The following TPO variants were observed in gnomAD, a reference collection of about 807,000 sequenced individuals.
TPO encodes thyroid microsomal antigen.
Under a neutral mutation model 96.9 loss-of-function variants are expected in TPO, and 78 were observed. The observed-to-expected ratio is 0.81, with a 90% CI of 0.67 to 0.97. The LOEUF (loss-of-function observed/expected upper bound fraction) is 0.97. Among genes scored for constraint, TPO ranks in the 50% least tolerant of loss-of-function variants. TPO has a pLI of 0.00. For missense variants in TPO, 1,252 were observed against 1,274.8 expected, an observed-to-expected ratio of 0.98 and a Z score of 0.27; for synonymous variants, 547 against 538.0, an observed-to-expected ratio of 1.02 and a Z score of -0.23.
chr2:1,503,673 C>T, intron 13 of TPO: 1 of 632,386 alleles, frequency 1.6e-6, no homozygotes, highest in South Asian at 1.6e-5. Context: ...CCCTGATTTC[C>T]TCCAGGAAGT....
intron 15 of TPO, among the ~76,000 whole-genome samples, chr2:1,539,792 G>A (rs752396341): frequency 6.6e-6 from 1 of 151,330 alleles, no homozygotes; most frequent in Non-Finnish European, 1.5e-5. Context: ...GCTCAGGACC[G>A]GTGATGATGG....
rs1323514667 is a variant in TPO, at chr2:1,542,420, GGA to G, written c.2752_2753del (p.Ser918CysfsTer62). 5 of 1,614,070 alleles carry G rather than the reference GGA, an allele frequency of 3.1e-6. No homozygotes were observed. The highest frequency in any genetic ancestry group is 3.3e-5 in the Admixed American group (2 of 60,004). ...TTAATGTTTGTTCTGCATTTTTGCAGGAGAGTGCTGGGATGGAAGGCCGGGAT... is the reference window on the plus strand; with the variant it reads ...TTAATGTTTGTTCTGCATTTTTGCAGGAGTGCTGGGATGGAAGGCCGGGAT... The part of the protein sequence containing the change: ...QRAAAQDSEQ[E>X]SAGMEGRDTH... On this transcript the variant is annotated frameshift_variant and splice_region_variant, in exon 17 of 17. Transcript: ENST00000329066. LOFTEE classifies it low-confidence loss of function (END_TRUNC).
chr2:1,412,661 GAAGGGAAAGAAA>G (rs1662470169), upstream of TPO, among the ~76,000 whole-genome samples: 1 of 152,190 alleles, frequency 6.6e-6, no homozygotes, highest in Admixed American at 6.5e-5. Flanking sequence ...CACATTTGGA[GAAGGGAAAGAAA>G]AGGAGAAAGA....
chr2:1,489,145 T>C (rs1402216914), intron 10 of TPO, among the ~76,000 whole-genome samples: 1 of 138,982 alleles, frequency 7.2e-6, no homozygotes, highest in African/African-American at 2.8e-5. Flanking sequence ...GACCAGCACA[T>C]GCCCAGCACA....
intron 13 of TPO, among the ~76,000 whole-genome samples, chr2:1,501,778 A>G (rs1050064843): frequency 1.3e-5 from 2 of 152,084 alleles, no homozygotes; most frequent in Non-Finnish European, 2.9e-5. Context: ...GCATGCAGGA[A>G]GGACGCCCCC....
At chr2:1,501,411 G>T (rs372988187) in intron 13 of TPO, among the ~76,000 whole-genome samples, 1 of 152,192 alleles carries the variant, frequency 6.6e-6, no homozygotes, top group East Asian at 1.9e-4. Context: ...AGACAAGGCC[G>T]ATTTGTCCCC....
At position 1,529,039 on chromosome 2, in the gene TPO, C is replaced by CT. The variant is rs541850889; in HGVS notation, c.2619-11554dup. Among the ~76,000 whole-genome samples, 861 of 141,852 alleles carry CT rather than the reference C, an allele frequency of 6.1e-3. 28 individuals are homozygous for CT. Among genetic ancestry groups the CT allele is most frequent in the African/African-American group, 0.023 (830 of 36,014 alleles). The allele number at this position is 141,852 out of a possible 152,430, so 93.1% of individuals were successfully genotyped here. A position where few individuals can be genotyped will look rare whatever the true frequency, so the allele number is the denominator to read the frequency against. On this transcript the variant is annotated intron_variant, in intron 15 of 16. Coordinates refer to ENST00000329066, the MANE Select transcript of TPO (RefSeq NM_001206744.2). ...TCCTCAAATCCCAACTCTGTGCAAC[C>CT]TCCCCAAATCTCCCCAGTGTGTGCA...
At chr2:1,456,385 C>T in intron 7 of TPO, 103 bp downstream of exon 7, 2 of 1,287,930 alleles carry the variant, frequency 1.6e-6, no homozygotes, top group South Asian at 2.6e-5. Flanking sequence ...GTTTCTTTGT[C>T]CTATTCCCAG....
At chr2:1,511,159 G>T (rs896248903) in intron 14 of TPO, among the ~76,000 whole-genome samples, 1 of 151,872 alleles carries the variant, frequency 6.6e-6, no homozygotes, top group African/African-American at 2.4e-5. Context: ...TTTCCTGGGG[G>T]TGCCACAGCA....
chr2:1,542,031 A>G, intron 16 of TPO: 1 of 270,032 alleles, frequency 3.7e-6, no homozygotes, highest in Non-Finnish European at 7.1e-6. Context: ...TTCCAGCCAC[A>G]GCAAGGGCAG....
intron 3 of TPO, among the ~76,000 whole-genome samples, chr2:1,425,259 T>C (rs2148455623): frequency 6.6e-6 from 1 of 152,256 alleles, no homozygotes; most frequent in Non-Finnish European, 1.5e-5. Context: ...TTCTCAGAAG[T>C]CTATGCTCCT....
In TPO at chr2:1,416,271, A is replaced by G. The variant is rs942966984; in HGVS notation, c.94+1769A>G. On this transcript the variant is annotated intron_variant, in intron 2 of 16. Transcript: ENST00000329066. ...AATCAGTCACTCTATCACCTGGAAC[A>G]TGCTAGATGTTCAGCCAATGGTTTG... is the stretch of plus-strand genomic sequence containing the variant. Among the ~76,000 whole-genome samples the G allele has an allele frequency of 7.2e-5, 11 of 152,340 alleles. No individual in the cohort carries two copies. The Middle Eastern group carries it at 0.01, about 141-fold the overall frequency.
chr2:1,542,560 T>G lies in TPO; in HGVS notation c.*86T>G. 1.3e-6 allele frequency: 2 copies of G among 1,588,376 alleles called. No homozygotes were observed. The highest frequency in any genetic ancestry group is 1.7e-6 in the Non-Finnish European group (2 of 1,166,614). On this transcript the variant is annotated 3_prime_UTR_variant, in exon 17 of 17. Transcript: ENST00000329066. ...TTTCCAAACACAGGCAAATCCGAAATCAGCAGGACGACTGTTTTCCCAACA... is the reference window on the plus strand; with the variant it reads ...TTTCCAAACACAGGCAAATCCGAAAGCAGCAGGACGACTGTTTTCCCAACA...
rs199621917 is a variant in TPO at position 1,493,932 on chromosome 2, T to C, written c.1899T>C (p.Asp633=). 143 of 1,614,046 alleles carry C rather than the reference T, an allele frequency of 8.9e-5. No homozygotes were observed. The highest frequency in any genetic ancestry group is 2.2e-5 in the East Asian group (1 of 44,878). The change falls in exon 11 of 17, where the codon GAT becomes GAC. Residue 633 remains aspartate, a synonymous_variant. Coordinates refer to ENST00000329066, the MANE Select transcript of TPO (RefSeq NM_001206744.2). The part of the protein sequence containing the change: ...LDLYKHPDNI[D]VWLGGLAENF... ...TGTACAAGCATCCTGACAACATCGATGTCTGGCTGGGAGGCTTAGCTGAAA... is the reference window on the plus strand; with the variant it reads ...TGTACAAGCATCCTGACAACATCGACGTCTGGCTGGGAGGCTTAGCTGAAA...
intron 13 of TPO, among the ~76,000 whole-genome samples, chr2:1,497,440 ACAG>A (rs1404848921): frequency 9.2e-5 from 14 of 152,236 alleles, no homozygotes; most frequent in African/African-American, 3.4e-4. Flanking sequence ...TCTGCGGGGA[ACAG>A]CAGAATGAGA....
At chr2:1,504,758 C>T (rs28912999) in intron 14 of TPO, among the ~76,000 whole-genome samples, 1,994 of 152,232 alleles carry the variant, frequency 0.013, 48 homozygotes, top group African/African-American at 0.046. Context: ...TAAGAGAGGG[C>T]GAGAGACGCT....
rs375174952 is a variant in TPO at position 1,478,411 on chromosome 2, C to T, written c.1338+807C>T. On this transcript the variant is annotated intron_variant, in intron 8 of 16. Transcript: ENST00000329066. ...CTAGCCGGGAGCCTGCAGGGAGGTGCGCGTCAGTCCTGTTCTAAAGGAGGC... is the reference window on the plus strand; with the variant it reads ...CTAGCCGGGAGCCTGCAGGGAGGTGTGCGTCAGTCCTGTTCTAAAGGAGGC... 128 of 984,280 alleles carry T rather than the reference C, an allele frequency of 1.3e-4. 1 individual carries two copies. The South Asian group carries it at 1.5e-3, about 12-fold the overall frequency. The allele number at this position is 984,280 out of a possible 1,614,324, so 61.0% of individuals were successfully genotyped here.
chr2:1,478,067 T>C (rs1188830176), intron 8 of TPO: 1 of 985,360 alleles, frequency 1.0e-6, no homozygotes, highest in African/African-American at 1.7e-5. Flanking sequence ...CTGGTGTTTT[T>C]GTATTTCAGA....
At chr2:1,403,576 G>A (rs1224063979) in intron 1 of TPO, among the ~76,000 whole-genome samples, 1 of 152,188 alleles carries the variant, frequency 6.6e-6, no homozygotes, top group Non-Finnish European at 1.5e-5. Context: ...GGACACTGGG[G>A]AACAATGGGC....
Sources: gnomAD v4.1 joint callset for allele counts (sites outside exome capture counted in the v4.1 genomes callset) on GRCh38, gnomAD v4.1.1 for gene constraint, MANE v1.5 for transcripts, NCBI Gene and HGNC (gene_info 2026-07-23, HGNC 2026-07-21) for gene names.